KAZN: variants seen among roughly 807,000 people sequenced by gnomAD.
The protein encoded by KAZN is kazrin.
Under a neutral mutation model 87.4 loss-of-function variants are expected in KAZN, and 40 were observed. That is an observed-to-expected ratio of 0.46 (90% CI 0.36 to 0.60). The LOEUF (loss-of-function observed/expected upper bound fraction) is 0.60, where lower values mean the gene tolerates loss of function less well. KAZN is among the 20% of genes least tolerant of loss of function. The pLI, the probability that KAZN is intolerant of heterozygous loss-of-function variation, is 0.00. For missense variants in KAZN, 898 were observed against 1,073.9 expected (o/e 0.84, Z 2.29); for synonymous variants, 466 against 458.3 (o/e 1.02, Z -0.22).
intron 1 of KAZN, among the ~76,000 whole-genome samples, chr1:14,803,281 G>A (rs557822140): frequency 4.8e-4 from 73 of 152,308 alleles, no homozygotes; most frequent in African/African-American, 1.5e-3. Flanking sequence ...GGGGATTAGC[G>A]GAGGGGGATT....
chr1:14,558,356 T>G (rs116354104), intron 2 of KAZN, among the ~76,000 whole-genome samples: 1 of 152,188 alleles, frequency 6.6e-6, no homozygotes, highest in East Asian at 1.9e-4. Context: ...GTCAGGAGCA[T>G]GCAACCTCCC....
intron 2 of KAZN, among the ~76,000 whole-genome samples, chr1:14,560,992 G>A (rs1571936602): frequency 6.6e-6 from 1 of 152,100 alleles, no homozygotes; most frequent in Admixed American, 6.5e-5. Flanking sequence ...TCTGTGCCAG[G>A]GTCCCACCAT....
At chr1:13,930,519 G>A (rs1019599723) in intron 1 of KAZN, among the ~76,000 whole-genome samples, 1 of 151,888 alleles carries the variant, frequency 6.6e-6, no homozygotes, top group Non-Finnish European at 1.5e-5. Context: ...CCTTTCTCTT[G>A]TCTCCCCTTC....
At chr1:14,543,763 A>G (rs971934126) in intron 2 of KAZN, among the ~76,000 whole-genome samples, 1 of 152,182 alleles carries the variant, frequency 6.6e-6, no homozygotes, top group African/African-American at 2.4e-5. Flanking sequence ...TATTATGAGT[A>G]TTTCACACAT....
intron 1 of KAZN, among the ~76,000 whole-genome samples, chr1:14,152,381 C>T (rs1046983472): frequency 9.2e-5 from 14 of 152,160 alleles, no homozygotes. Context: ...CTCTTTACCT[C>T]CATGAGTTCA....
chr1:14,976,979 C>T (rs544644482), intron 2 of KAZN, among the ~76,000 whole-genome samples: 2 of 152,250 alleles, frequency 1.3e-5, no homozygotes, highest in East Asian at 1.9e-4. Flanking sequence ...CACGTGAACC[C>T]GGGAGGCAGA....
chr1:14,713,388 C>T (rs1302362422), intron 1 of KAZN, among the ~76,000 whole-genome samples: 2 of 152,170 alleles, frequency 1.3e-5, no homozygotes, highest in Admixed American at 1.3e-4. Context: ...AGATCTTTAA[C>T]AGCACAATCA....
chr1:14,714,119 A>T (rs1328129737), intron 1 of KAZN, among the ~76,000 whole-genome samples: 1 of 152,056 alleles, frequency 6.6e-6, no homozygotes, highest in Non-Finnish European at 1.5e-5. Context: ...GGGCTGACTG[A>T]TGGAGACTGC....
At chr1:14,730,570 G>A (rs1200876842) in intron 1 of KAZN, among the ~76,000 whole-genome samples, 2 of 152,078 alleles carry the variant, frequency 1.3e-5, no homozygotes, top group Non-Finnish European at 2.9e-5. Flanking sequence ...CTGTCACCCA[G>A]CCAGAAAAGG....
At chr1:14,666,955 C>T (rs534735243) in intron 1 of KAZN, among the ~76,000 whole-genome samples, 34 of 152,258 alleles carry the variant, frequency 2.2e-4, no homozygotes, top group Admixed American at 1.9e-3. Context: ...AGGATGCTCT[C>T]GATCTCTTGA....
intron 2 of KAZN, among the ~76,000 whole-genome samples, chr1:14,532,063 A>T (rs1207867668): frequency 6.6e-6 from 1 of 152,176 alleles, no homozygotes; most frequent in Non-Finnish European, 1.5e-5. Flanking sequence ...AGACAAAAGA[A>T]GTTGGAAACT....
In KAZN at chr1:14,996,718, C is replaced by T. The variant is rs1053274539; in HGVS notation, c.418+35843C>T. Among the ~76,000 whole-genome samples, 2 of 152,200 alleles carry T rather than the reference C, an allele frequency of 1.3e-5. No homozygotes were observed. The highest frequency in any genetic ancestry group is 2.4e-5 in the African/African-American group (1 of 41,444). The stretch of plus-strand genomic sequence containing the variant: ...CCGAGGGCCATTCTTCCCTCACTGC[C>T]GGCCTCTCCCAGTCCCCAGGAGAAA... On this transcript the variant is annotated intron_variant, in intron 2 of 14. Coordinates refer to ENST00000376030, the MANE Select transcript of KAZN (RefSeq NM_201628.3). This position sits in a 1 kb window ranked among gnomAD's most constrained non-coding sequence, Gnocchi z 5.9.
In KAZN at chr1:14,051,871, A is replaced by G. The variant is rs912260760; in HGVS notation, c.92-128564A>G. On this transcript the variant is annotated intron_variant, in intron 1 of 16. Coordinates refer to the KAZN transcript ENST00000636203. Reference sequence around the variant, plus strand: ...CCAACCAACCAACCAAACAACAACAACAACAAAAACCCAAAACCAAAAAAA... The same window carrying G: ...CCAACCAACCAACCAAACAACAACAGCAACAAAAACCCAAAACCAAAAAAA... Among the ~76,000 whole-genome samples, 12 of 152,220 alleles carry G rather than the reference A, an allele frequency of 7.9e-5. 2 individuals carry two copies. Among genetic ancestry groups the G allele is most frequent in the Admixed American group, 7.9e-4 (12 of 15,286 alleles).
intron 1 of KAZN, among the ~76,000 whole-genome samples, chr1:14,642,138 G>A (rs562876896): frequency 1.3e-5 from 2 of 152,344 alleles, no homozygotes; most frequent in East Asian, 3.9e-4. Flanking sequence ...GGTGGCTTAA[G>A]CCTGTAATCC....
chr1:14,039,820 A>G (rs549190855), intron 1 of KAZN, among the ~76,000 whole-genome samples: 1 of 152,334 alleles, frequency 6.6e-6, no homozygotes, highest in South Asian at 2.1e-4. Flanking sequence ...AGGAGCACAG[A>G]TAACTGTGGA....
intron 1 of KAZN, among the ~76,000 whole-genome samples, chr1:13,943,865 A>C (rs1224694035): frequency 6.6e-6 from 1 of 152,258 alleles, no homozygotes; most frequent in African/African-American, 2.4e-5. Context: ...GAACAGCTAC[A>C]ATAAATAGAA....
intron 2 of KAZN, among the ~76,000 whole-genome samples, chr1:14,517,947 G>A (rs1671383603): frequency 6.6e-6 from 1 of 152,146 alleles, no homozygotes; most frequent in Non-Finnish European, 1.5e-5. Context: ...TAGAGTACAG[G>A]AAATGAAGCT....
chr1:14,115,697 C>T (rs1644601990), intron 1 of KAZN, among the ~76,000 whole-genome samples: 1 of 152,160 alleles, frequency 6.6e-6, no homozygotes, highest in African/African-American at 2.4e-5. Context: ...GCGGAAGCGA[C>T]TTTGGAATTG....
chr1:14,607,874 G>A (rs1324264734), intron 1 of KAZN, among the ~76,000 whole-genome samples: 1 of 152,222 alleles, frequency 6.6e-6, no homozygotes, highest in Non-Finnish European at 1.5e-5. Context: ...GGGGCAATAA[G>A]AGCAATAGCC....
Sources: gnomAD v4.1 joint callset for allele counts (sites outside exome capture counted in the v4.1 genomes callset) on GRCh38, gnomAD v4.1.1 for gene constraint, Gnocchi (gnomAD v3.1) non-coding constraint, MANE v1.5 for transcripts, NCBI Gene and HGNC (gene_info 2026-07-23, HGNC 2026-07-21) for gene names.